Variants in IL1RAPL2 observed in about 807,000 individuals in gnomAD.
IL1RAPL2 encodes interleukin 1 receptor accessory protein like 2.
In IL1RAPL2, 3 loss-of-function variants were observed where a neutral mutation model predicts 44.1. That is an observed-to-expected ratio of 0.07 (90% CI 0.03 to 0.18). The LOEUF is 0.18. Among genes scored for constraint, IL1RAPL2 ranks in the 10% least tolerant of loss-of-function variants. IL1RAPL2 has a pLI of 1.00. For synonymous variants in IL1RAPL2, 181 were observed against 178.8 expected (o/e 1.01, Z -0.10); for missense variants, 391 against 496.4 (o/e 0.79, Z 2.02).
intron 7 of IL1RAPL2, among the ~76,000 whole-genome samples, chrX:105,724,968 A>G (rs1004717662): frequency 4.5e-5 from 5 of 111,656 alleles, no homozygotes; most frequent in African/African-American, 1.3e-4. Context: ...CTTCTAATCA[A>G]TCTTACAAGA....
intron 1 of IL1RAPL2, among the ~76,000 whole-genome samples, chrX:104,588,572 G>A (rs1038403017): frequency 1.8e-5 from 2 of 110,056 alleles, no homozygotes; most frequent in Admixed American, 9.7e-5. Context: ...TCCAAGTGTT[G>A]CAAAAAAAAA....
At chrX:104,623,058 TA>T (rs771397489) in intron 1 of IL1RAPL2, among the ~76,000 whole-genome samples, 6 of 110,763 alleles carry the variant, frequency 5.4e-5, no homozygotes, top group Non-Finnish European at 1.1e-4. Flanking sequence ...CATTTTTTTT[TA>T]AAAAAAGTTT....
intron 5 of IL1RAPL2, among the ~76,000 whole-genome samples, chrX:105,380,746 G>T (rs1045468280): frequency 1.8e-5 from 2 of 111,547 alleles, no homozygotes; most frequent in Non-Finnish European, 3.8e-5. Flanking sequence ...ATGAAGTTAG[G>T]GACTTACAGA....
At chrX:105,696,384 T>TA (rs1377874253) in intron 6 of IL1RAPL2, among the ~76,000 whole-genome samples, 1 of 111,368 alleles carries the variant, frequency 9.0e-6, no homozygotes, top group Non-Finnish European at 1.9e-5. Context: ...GTGTCTTATT[T>TA]AAAGAGATGT....
Position 105,384,246 on chromosome X carries a change from C to T in IL1RAPL2, c.698-100067C>T, listed in dbSNP as rs1459594842. Reference sequence around the variant, plus strand: ...TCTAGCAGTTGTATAGTTTCAGGTCCCACATTTGTCTTTAATTTGTTTTTG... The same window carrying T: ...TCTAGCAGTTGTATAGTTTCAGGTCTCACATTTGTCTTTAATTTGTTTTTG... On this transcript the variant is annotated intron_variant, in intron 5 of 10. Coordinates refer to ENST00000372582, the MANE Select transcript of IL1RAPL2 (RefSeq NM_017416.2). 2.7e-5 allele frequency among the ~76,000 whole-genome samples: 3 copies of T among 111,243 alleles called. No individual in the cohort carries two copies. The Admixed American group carries it at 2.9e-4, about 11-fold the overall frequency.
chrX:104,738,708 G>T (rs1028278141), intron 2 of IL1RAPL2, among the ~76,000 whole-genome samples: 1 of 111,794 alleles, frequency 8.9e-6, no homozygotes, highest in Non-Finnish European at 1.9e-5. Context: ...GGGAGGCTGA[G>T]GTGGGAGGAT....
At chrX:105,106,345 G>A (rs901643442) in intron 2 of IL1RAPL2, among the ~76,000 whole-genome samples, 9 of 110,357 alleles carry the variant, frequency 8.2e-5, no homozygotes, top group Non-Finnish European at 1.3e-4. Flanking sequence ...TTTGGAAACC[G>A]GGCTCTTCCA....
At chrX:104,883,799 C>T (rs5917163) in intron 2 of IL1RAPL2, among the ~76,000 whole-genome samples, 46,556 of 110,317 alleles carry the variant, frequency 0.42, 7,160 homozygotes, top group East Asian at 0.46. Context: ...TTTTAGGATC[C>T]CTCCTCAGAC....
intron 2 of IL1RAPL2, among the ~76,000 whole-genome samples, chrX:104,998,792 A>G (rs908631234): frequency 9.1e-6 from 1 of 110,193 alleles, no homozygotes; most frequent in Non-Finnish European, 1.9e-5. Context: ...AGAAAATACT[A>G]GAGTATTTTA....
At chrX:104,816,209 A>C (rs1921130486) in intron 2 of IL1RAPL2, among the ~76,000 whole-genome samples, 1 of 111,774 alleles carries the variant, frequency 8.9e-6, no homozygotes, top group Non-Finnish European at 1.9e-5. Flanking sequence ...CATGGATTTA[A>C]TTTTTATGTG....
intron 6 of IL1RAPL2, among the ~76,000 whole-genome samples, chrX:105,598,595 T>C (rs2037228893): frequency 9.0e-6 from 1 of 111,496 alleles, no homozygotes; most frequent in Non-Finnish European, 1.9e-5. Context: ...GTAACAAAAC[T>C]ATAAAACACT....
chrX:105,699,595 T>C (rs954127876), intron 6 of IL1RAPL2, among the ~76,000 whole-genome samples: 3 of 112,061 alleles, frequency 2.7e-5, no homozygotes, highest in Non-Finnish European at 5.6e-5. Context: ...TTAATTTACA[T>C]GGCTCTTGCT....
At chrX:105,170,691 C>A (rs746648468) in intron 2 of IL1RAPL2, among the ~76,000 whole-genome samples, 1 of 111,823 alleles carries the variant, frequency 8.9e-6, no homozygotes, top group Admixed American at 9.5e-5. Context: ...AGTCCTTAAC[C>A]CCATGCTATA....
At chrX:104,771,503 T>C (rs1932641643) in intron 2 of IL1RAPL2, among the ~76,000 whole-genome samples, 1 of 112,549 alleles carries the variant, frequency 8.9e-6, no homozygotes, top group Admixed American at 9.4e-5. Flanking sequence ...ATTTTTTGCT[T>C]ATATTGTATT....
chrX:104,583,424 C>T (rs748193681), intron 1 of IL1RAPL2, among the ~76,000 whole-genome samples: 6 of 111,428 alleles, frequency 5.4e-5, no homozygotes, highest in Admixed American at 9.6e-5. Flanking sequence ...CCCAGACTTA[C>T]GCAACCATTA....
intron 2 of IL1RAPL2, among the ~76,000 whole-genome samples, chrX:104,965,257 T>C (rs2030097223): frequency 9.0e-6 from 1 of 111,472 alleles, no homozygotes; most frequent in Admixed American, 9.6e-5. Flanking sequence ...AAGGTATATA[T>C]ATGGCCAAGA....
At chrX:104,604,290 A>G in intron 1 of IL1RAPL2, among the ~76,000 whole-genome samples, 1 of 111,908 alleles carries the variant, frequency 8.9e-6, no homozygotes. Flanking sequence ...CTGCCTTACA[A>G]GAGCTCCTGA....
chrX:105,489,210 G>C (rs2036291620), intron 6 of IL1RAPL2, among the ~76,000 whole-genome samples: 1 of 111,117 alleles, frequency 9.0e-6, no homozygotes, highest in Non-Finnish European at 1.9e-5. Context: ...ATTCCAATTT[G>C]GTCCTGTTAT....
chrX:105,077,916 T>C (rs889851314), intron 2 of IL1RAPL2, among the ~76,000 whole-genome samples: 2 of 111,782 alleles, frequency 1.8e-5, no homozygotes, highest in African/African-American at 6.5e-5. Flanking sequence ...CTTCTCTGCA[T>C]TGGTTATTCC....
Sources: gnomAD v4.1 joint callset for allele counts (sites outside exome capture counted in the v4.1 genomes callset) on GRCh38, gnomAD v4.1.1 for gene constraint, MANE v1.5 for transcripts, NCBI Gene and HGNC (gene_info 2026-07-23, HGNC 2026-07-21) for gene names.